The following CHST8 variants were observed in gnomAD, a reference collection of about 807,000 sequenced individuals.
CHST8 encodes the protein GALNAC-4-ST1.
CHST8 carries 10 observed loss-of-function variants against 15.0 expected under a neutral mutation model. The ratio of observed to expected loss-of-function variants is 0.67; its 90% confidence interval spans 0.41 to 1.13. CHST8 has a LOEUF of 1.13. Among genes scored for constraint, CHST8 ranks in the 50% most tolerant of loss-of-function variants. CHST8 has a pLI of 0.00. For missense variants in CHST8, 634 were observed against 608.2 expected, an observed-to-expected ratio of 1.04 and a Z score of -0.45; for synonymous variants, 259 against 256.6, an observed-to-expected ratio of 1.01 and a Z score of -0.09.
intron 1 of CHST8, among the ~76,000 whole-genome samples, chr19:33,640,482 C>T (rs957309171): frequency 3.3e-5 from 5 of 152,168 alleles, no homozygotes; most frequent in African/African-American, 1.2e-4. Context: ...TCTCACTCAC[C>T]TTTGGCTCTG....
At chr19:33,753,206 G>T (rs1366900096) in intron 3 of CHST8, among the ~76,000 whole-genome samples, 1 of 151,948 alleles carries the variant, frequency 6.6e-6, no homozygotes, top group African/African-American at 2.4e-5. Flanking sequence ...GGAGCGGCCA[G>T]GAGCCTGCCT....
At chr19:33,706,818 A>G (rs761180785) in intron 3 of CHST8, among the ~76,000 whole-genome samples, 1 of 152,234 alleles carries the variant, frequency 6.6e-6, no homozygotes, top group Non-Finnish European at 1.5e-5. Context: ...TCAAGCGTGT[A>G]CAACACACAG....
intron 1 of CHST8, among the ~76,000 whole-genome samples, chr19:33,640,775 C>T (rs1044906125): frequency 6.6e-6 from 1 of 152,122 alleles, no homozygotes; most frequent in East Asian, 1.9e-4. Context: ...CAAGAAGGAA[C>T]CTCCCTCCTC....
At chr19:33,683,649 C>T (rs926007277) in intron 2 of CHST8, among the ~76,000 whole-genome samples, 5 of 152,218 alleles carry the variant, frequency 3.3e-5, no homozygotes, top group African/African-American at 1.2e-4. Flanking sequence ...GCCCCAAACA[C>T]TTCCATCTAT....
Position 33,757,467 on chromosome 19 carries a change from A to G in CHST8, c.131-13946A>G, listed in dbSNP as rs1568358531. On this transcript the variant is annotated intron_variant, in intron 3 of 4. Transcript: ENST00000650847. ...GAAAGAAAGAAAGAAAGAAAGAAAGAAAGAAAGAAAGAAAGAAAGAAAGAA... is the reference window on the plus strand; with the variant it reads ...GAAAGAAAGAAAGAAAGAAAGAAAGGAAGAAAGAAAGAAAGAAAGAAAGAA... 2.0e-4 allele frequency among the ~76,000 whole-genome samples: 9 copies of G among 44,528 alleles called. 3 individuals are homozygous for G. Among genetic ancestry groups the G allele is most frequent in the East Asian group, 4.4e-4 (1 of 2,276 alleles). The allele number at this position is 44,528 out of a possible 152,430, so 29.2% of individuals were successfully genotyped here.
intron 3 of CHST8, among the ~76,000 whole-genome samples, chr19:33,752,015 C>T (rs141731193): frequency 3.3e-5 from 5 of 152,294 alleles, no homozygotes; most frequent in Non-Finnish European, 5.9e-5. Context: ...CCATTCAGAC[C>T]CCACCAACCC....
chr19:33,627,733 AC>A (rs1400337811), intron 1 of CHST8, among the ~76,000 whole-genome samples: 2 of 152,182 alleles, frequency 1.3e-5, no homozygotes, highest in African/African-American at 4.8e-5. Context: ...TCTCAGTCCC[AC>A]ACTCCTGGTG....
intron 1 of CHST8, among the ~76,000 whole-genome samples, chr19:33,633,923 C>T (rs1972158042): frequency 6.6e-6 from 1 of 151,964 alleles, no homozygotes; most frequent in Admixed American, 6.6e-5. Context: ...TTCAGCCTCC[C>T]AAGTAACTGG....
At chr19:33,731,254 A>G (rs1283273829) in intron 3 of CHST8, among the ~76,000 whole-genome samples, 1 of 152,226 alleles carries the variant, frequency 6.6e-6, no homozygotes, top group Non-Finnish European at 1.5e-5. Context: ...TGCTGGACTA[A>G]GGATACTTAT....
At position 33,625,216 on chromosome 19, in the gene CHST8, G is replaced by A. The variant is rs183777559; in HGVS notation, c.-164+2920G>A. 2.4e-3 allele frequency among the ~76,000 whole-genome samples: 369 copies of A among 152,156 alleles called. 4 individuals are homozygous for A. The highest frequency in any genetic ancestry group is 8.3e-3 in the African/African-American group (343 of 41,530). On this transcript the variant is annotated intron_variant, in intron 1 of 4. Transcript: ENST00000650847. ...TTCTCCTGCCTCAGCCTCCCGAGTA[G>A]CTGGGATTACAGGCATGCGCCACCA...
intron 2 of CHST8, among the ~76,000 whole-genome samples, chr19:33,672,520 T>C (rs1328692605): frequency 6.6e-6 from 1 of 152,148 alleles, no homozygotes; most frequent in Non-Finnish European, 1.5e-5. Flanking sequence ...TATTTTTTCA[T>C]CTTTGTGTAC....
At chr19:33,667,549 G>C (rs779444440) in intron 1 of CHST8, among the ~76,000 whole-genome samples, 2 of 152,120 alleles carry the variant, frequency 1.3e-5, no homozygotes, top group African/African-American at 4.8e-5. Flanking sequence ...AACAAACGGT[G>C]CCAAATTGTT....
chr19:33,741,881 T>C (rs1171769177), intron 3 of CHST8, among the ~76,000 whole-genome samples: 1 of 152,104 alleles, frequency 6.6e-6, no homozygotes. Context: ...AGCTGTCACA[T>C]CTATCTATTC....
At position 33,772,031 on chromosome 19, in the gene CHST8, T is replaced by C. The variant is rs780381968; in HGVS notation, c.243T>C (p.Ser81=). The change falls in exon 5 of 5, where the codon AGT becomes AGC. Residue 81 remains serine, a synonymous_variant. Transcript: ENST00000650847. ...AGAGGGTCACTCGGGACTTATCCAG[T>C]GGGGCCCCGAGGGGCCGCAACCTGC... is the stretch of plus-strand genomic sequence containing the variant. ...PTERVTRDLS[S]GAPRGRNLPA... 3 of 1,611,830 alleles carry C rather than the reference T, an allele frequency of 1.9e-6. No individual in the cohort carries two copies. Among genetic ancestry groups the C allele is most frequent in the Non-Finnish European group, 2.5e-6 (3 of 1,179,564 alleles).
intron 3 of CHST8, among the ~76,000 whole-genome samples, chr19:33,760,960 C>A (rs149625602): frequency 1.3e-5 from 2 of 152,166 alleles, no homozygotes; most frequent in African/African-American, 2.4e-5. Flanking sequence ...GCTACTGGCC[C>A]GTATAGGTGC....
At chr19:33,659,955 G>A (rs16968338) in intron 1 of CHST8, among the ~76,000 whole-genome samples, 4,578 of 152,250 alleles carry the variant, frequency 0.03, 204 homozygotes, top group African/African-American at 0.099. Context: ...GTCACTCCAC[G>A]GGGCTGATCC....
intron 1 of CHST8, among the ~76,000 whole-genome samples, chr19:33,649,216 T>C (rs1017677825): frequency 2.0e-5 from 3 of 152,144 alleles, no homozygotes; most frequent in African/African-American, 4.8e-5. Flanking sequence ...TCTATCCTTC[T>C]GATCACAGCC....
At chr19:33,643,312 A>G (rs1445988175) in intron 1 of CHST8, among the ~76,000 whole-genome samples, 1 of 152,216 alleles carries the variant, frequency 6.6e-6, no homozygotes, top group East Asian at 1.9e-4. Flanking sequence ...TTTTTAACAT[A>G]CATTTTATTT....
chr19:33,634,611 C>T (rs543337829), intron 1 of CHST8, among the ~76,000 whole-genome samples: 57 of 146,004 alleles, frequency 3.9e-4, no homozygotes, highest in African/African-American at 1.3e-3. Flanking sequence ...CAGCCCCGGA[C>T]TCATCAGACA....
Sources: gnomAD v4.1 joint callset for allele counts (sites outside exome capture counted in the v4.1 genomes callset) on GRCh38, gnomAD v4.1.1 for gene constraint, MANE v1.5 for transcripts, NCBI Gene and HGNC (gene_info 2026-07-23, HGNC 2026-07-21) for gene names.